TRERF1: variants seen among roughly 807,000 people sequenced by gnomAD.
The protein encoded by TRERF1 is transcriptional regulating factor 1.
Under a neutral mutation model 122.9 loss-of-function variants are expected in TRERF1, and 27 were observed. The ratio of observed to expected loss-of-function variants is 0.22; its 90% confidence interval spans 0.16 to 0.30. The LOEUF is 0.30. TRERF1 is among the 10% of genes least tolerant of loss of function. TRERF1 has a pLI of 1.00. For missense variants in TRERF1, 1,248 were observed against 1,560.3 expected, an observed-to-expected ratio of 0.80 and a Z score of 3.37; for synonymous variants, 636 against 641.7, an observed-to-expected ratio of 0.99 and a Z score of 0.13.
At chr6:42,450,345 C>T (rs994213237) in intron 2 of TRERF1, among the ~76,000 whole-genome samples, 5 of 152,214 alleles carry the variant, frequency 3.3e-5, no homozygotes, top group African/African-American at 1.2e-4. Context: ...TTTTAATGAA[C>T]TCTTTAGCCA....
exon 16 of TRERF1, chr6:42,236,375 C>T (rs1772191943): frequency 3.8e-6 from 6 of 1,560,600 alleles, no homozygotes; most frequent in Non-Finnish European, 5.2e-6. Context: ...GGGTCCTCCT[C>T]CTCCTCCTCC....
intron 3 of TRERF1, among the ~76,000 whole-genome samples, chr6:42,348,996 C>A (rs561097454): frequency 6.6e-6 from 1 of 152,328 alleles, no homozygotes; most frequent in African/African-American, 2.4e-5. Context: ...CATGTCCTAT[C>A]TATCTCTCAG....
intron 3 of TRERF1, among the ~76,000 whole-genome samples, chr6:42,305,649 T>C (rs1787073827): frequency 6.6e-6 from 1 of 151,906 alleles, no homozygotes; most frequent in African/African-American, 2.4e-5. Flanking sequence ...GGATATAAAC[T>C]ATGAAGCAGG....
chr6:42,310,566 A>G (rs1210184635), intron 3 of TRERF1, among the ~76,000 whole-genome samples: 1 of 152,164 alleles, frequency 6.6e-6, no homozygotes, highest in Non-Finnish European at 1.5e-5. Context: ...TCTAGTATCT[A>G]ATGGGTAGAG....
At chr6:42,428,728 A>G (rs776944615) in intron 2 of TRERF1, among the ~76,000 whole-genome samples, 18 of 152,232 alleles carry the variant, frequency 1.2e-4, no homozygotes, top group Admixed American at 2.6e-4. Flanking sequence ...GCCCTGCAGA[A>G]GTCAGAGGAC....
chr6:42,366,327 G>A (rs1772722614), intron 2 of TRERF1, among the ~76,000 whole-genome samples: 1 of 152,252 alleles, frequency 6.6e-6, no homozygotes, highest in Non-Finnish European at 1.5e-5. Flanking sequence ...GAACAATTCT[G>A]ATGCTCAGGT....
At chr6:42,367,587 T>C (rs369748431) in intron 2 of TRERF1, among the ~76,000 whole-genome samples, 1 of 152,146 alleles carries the variant, frequency 6.6e-6, no homozygotes, top group African/African-American at 2.4e-5. Flanking sequence ...AAGATCTTCC[T>C]GGCTGTAGGG....
At position 42,257,860 on chromosome 6, in the gene TRERF1, TG is replaced by T. The variant is rs1777054615; in HGVS notation, c.2336+274del. Among the ~76,000 whole-genome samples the T allele has an allele frequency of 2.0e-5, 3 of 152,304 alleles. No homozygotes were observed. In the South Asian group the frequency reaches 6.2e-4, roughly 32 times the overall value. ...ACCCGGAGGGAGATGCCTGTGTCAC[TG>T]GGGATGAGAAAGCACTGCCTGTGGA... On this transcript the variant is annotated intron_variant, in intron 10 of 17. Coordinates refer to ENST00000372922, the Ensembl canonical transcript of TRERF1.
chr6:42,437,408 A>G (rs1029218256), intron 2 of TRERF1, among the ~76,000 whole-genome samples: 1 of 152,206 alleles, frequency 6.6e-6, no homozygotes, highest in Non-Finnish European at 1.5e-5. Context: ...GATTATGCAG[A>G]AGAGTAAAGA....
chr6:42,389,234 C>T (rs138666572), intron 2 of TRERF1, among the ~76,000 whole-genome samples: 41 of 152,362 alleles, frequency 2.7e-4, no homozygotes, highest in African/African-American at 9.9e-4. Context: ...CGAGGTACCT[C>T]TGTGTGTCAG....
chr6:42,233,576 CG>C (rs1771307087), intron 16 of TRERF1, among the ~76,000 whole-genome samples: 1 of 152,280 alleles, frequency 6.6e-6, no homozygotes, highest in South Asian at 2.1e-4. Context: ...TGAGCCACCA[CG>C]CCTGGCCTCA....
intron 14 of TRERF1, among the ~76,000 whole-genome samples, chr6:42,246,035 G>A (rs1352588565): frequency 1.3e-5 from 2 of 152,228 alleles, no homozygotes; most frequent in Non-Finnish European, 2.9e-5. Flanking sequence ...TTGAACCCGG[G>A]AGGTGGAGGC....
chr6:42,390,310 A>C (rs1485346928), intron 2 of TRERF1, among the ~76,000 whole-genome samples: 1 of 152,174 alleles, frequency 6.6e-6, no homozygotes, highest in Non-Finnish European at 1.5e-5. Flanking sequence ...GTGTGTGTGG[A>C]GGGGGAGTCA....
intron 2 of TRERF1, among the ~76,000 whole-genome samples, chr6:42,386,585 A>T (rs1350443447): frequency 6.6e-6 from 1 of 152,232 alleles, no homozygotes; most frequent in Non-Finnish European, 1.5e-5. Context: ...GCACTGGATT[A>T]GAGAATTAAT....
intron 3 of TRERF1, among the ~76,000 whole-genome samples, chr6:42,333,346 A>C (rs1346043513): frequency 6.6e-6 from 1 of 152,204 alleles, no homozygotes; most frequent in African/African-American, 2.4e-5. Context: ...AATGCTTAAG[A>C]GCTTACTTGA....
chr6:42,319,206 A>G (rs1419159932), intron 3 of TRERF1, among the ~76,000 whole-genome samples: 1 of 152,164 alleles, frequency 6.6e-6, no homozygotes, highest in African/African-American at 2.4e-5. Context: ...GATATACTCT[A>G]TATCTGTTTA....
chr6:42,449,849 G>C (rs1788162061), intron 2 of TRERF1, among the ~76,000 whole-genome samples: 1 of 152,180 alleles, frequency 6.6e-6, no homozygotes, highest in African/African-American at 2.4e-5. Context: ...TGTGTAGCGA[G>C]TTTTTTAAAA....
intron 2 of TRERF1, among the ~76,000 whole-genome samples, chr6:42,396,632 A>G (rs572442457): frequency 3.3e-5 from 5 of 152,356 alleles, no homozygotes; most frequent in African/African-American, 7.2e-5. Flanking sequence ...AGACCCTCTC[A>G]CTTAATAGCT....
At chr6:42,425,180 G>A (rs1221873003) in intron 2 of TRERF1, among the ~76,000 whole-genome samples, 1 of 152,164 alleles carries the variant, frequency 6.6e-6, no homozygotes, top group Non-Finnish European at 1.5e-5. Context: ...GATTAGCCAT[G>A]CTTCCTCAAA....
Sources: allele counts gnomAD v4.1 joint callset (sites outside exome capture counted in the v4.1 genomes callset), GRCh38; gene constraint gnomAD v4.1.1; transcripts MANE v1.5; gene names NCBI Gene and HGNC (gene_info 2026-07-23, HGNC 2026-07-21).